The following FOXP1 variants were observed in gnomAD, a reference collection of about 807,000 sequenced individuals.
FOXP1 encodes the protein forkhead box protein P1.
Under a neutral mutation model 98.2 loss-of-function variants are expected in FOXP1, and 15 were observed. That is an observed-to-expected ratio of 0.15 (90% CI 0.10 to 0.24). The LOEUF (loss-of-function observed/expected upper bound fraction) is 0.24. Ranked by LOEUF, FOXP1 falls within the 10% of genes least tolerant of loss-of-function variation. The pLI, the probability that FOXP1 is intolerant of heterozygous loss-of-function variation, is 1.00. For synonymous variants in FOXP1, 371 were observed against 314.5 expected (o/e 1.18, Z -1.90); for missense variants, 633 against 848.5 (o/e 0.75, Z 3.15).
chr3:70,973,229 G>A lies in FOXP1; in HGVS notation c.1531-553C>T, dbSNP rs1320116997. ...GTCAAAGGATCGGGGGGTGGTGAACGGACCCCCCGCCCCCGCCCCGCCCCG... is the reference window on the plus strand; with the variant it reads ...GTCAAAGGATCGGGGGGTGGTGAACAGACCCCCCGCCCCCGCCCCGCCCCG... On this transcript the variant is annotated intron_variant, in intron 17 of 20. Coordinates refer to ENST00000649528, the MANE Select transcript of FOXP1 (RefSeq NM_001349338.3). Among the ~76,000 whole-genome samples, 11 of 144,212 alleles carry A rather than the reference G, an allele frequency of 7.6e-5. 1 individual carries two copies. The highest frequency in any genetic ancestry group is 6.9e-4 in the South Asian group (3 of 4,326). The allele number at this position is 144,212 out of a possible 152,430, so 94.6% of individuals were successfully genotyped here.
chr3:71,563,537 T>C (rs1178487794), intron 2 of FOXP1, among the ~76,000 whole-genome samples: 1 of 152,194 alleles, frequency 6.6e-6, no homozygotes, highest in African/African-American at 2.4e-5. Flanking sequence ...TATTTAGATA[T>C]AACCACCGGG....
intron 7 of FOXP1, among the ~76,000 whole-genome samples, chr3:71,111,800 C>A (rs2057953009): frequency 6.6e-6 from 1 of 152,114 alleles, no homozygotes; most frequent in African/African-American, 2.4e-5. Flanking sequence ...ATTTTTGTAT[C>A]TTTACATAAA....
intron 13 of FOXP1, among the ~76,000 whole-genome samples, chr3:70,998,201 A>G (rs80218659): frequency 0.038 from 5,852 of 152,266 alleles, 191 homozygotes; most frequent in Non-Finnish European, 0.055. Flanking sequence ...TTTGCAGGCC[A>G]TGTAGATTTC....
intron 11 of FOXP1, 127 bp from the exon 12 acceptor site, chr3:71,015,780 C>A: frequency 1.5e-6 from 1 of 649,522 alleles, no homozygotes; most frequent in East Asian, 2.8e-5. Context: ...TGTGATTTCC[C>A]CCATCCCATG....
intron 6 of FOXP1, among the ~76,000 whole-genome samples, chr3:71,178,905 A>G (rs915258663): frequency 6.9e-6 from 1 of 145,156 alleles, no homozygotes; most frequent in African/African-American, 2.5e-5. Context: ...ACAAACAAAC[A>G]AAAAAAAAAC....
At chr3:71,439,758 A>C (rs1467133615) in intron 3 of FOXP1, among the ~76,000 whole-genome samples, 1 of 152,180 alleles carries the variant, frequency 6.6e-6, no homozygotes, top group Non-Finnish European at 1.5e-5. Context: ...AGCCTGGCCA[A>C]CAAGGCAAAA....
At chr3:71,398,649 C>T (rs909520887) in intron 3 of FOXP1, among the ~76,000 whole-genome samples, 2 of 152,140 alleles carry the variant, frequency 1.3e-5, no homozygotes, top group Non-Finnish European at 2.9e-5. Flanking sequence ...CTCAATTGTG[C>T]CTTCTGTAGA....
chr3:71,411,792 C>G (rs1459443773), intron 3 of FOXP1, among the ~76,000 whole-genome samples: 3 of 152,210 alleles, frequency 2.0e-5, no homozygotes, highest in African/African-American at 7.2e-5. Context: ...CCAATATTGC[C>G]TCTGTCACTT....
chr3:71,093,139 A>G (rs966769612), intron 7 of FOXP1, among the ~76,000 whole-genome samples: 2 of 151,936 alleles, frequency 1.3e-5, no homozygotes, highest in African/African-American at 2.4e-5. Flanking sequence ...CACACGCCTC[A>G]GCTACTTGGG....
At chr3:71,513,479 G>A (rs547003938) in intron 2 of FOXP1, among the ~76,000 whole-genome samples, 13 of 152,016 alleles carry the variant, frequency 8.6e-5, no homozygotes, top group African/African-American at 1.9e-4. Flanking sequence ...TCATCTCCCC[G>A]CCAAGCTTCC....
intron 12 of FOXP1, among the ~76,000 whole-genome samples, chr3:71,012,545 C>T (rs1328438348): frequency 6.6e-6 from 1 of 152,170 alleles, no homozygotes; most frequent in Non-Finnish European, 1.5e-5. Flanking sequence ...ATAATGCTCT[C>T]AGAGTATAAT....
At chr3:71,506,715 G>T (rs1389537986) in intron 2 of FOXP1, among the ~76,000 whole-genome samples, 1 of 152,132 alleles carries the variant, frequency 6.6e-6, no homozygotes, top group East Asian at 1.9e-4. Context: ...GTTTGCCCTT[G>T]ACTTAGGCTC....
At chr3:71,537,924 CATAA>C (rs1419084359) in intron 2 of FOXP1, among the ~76,000 whole-genome samples, 1 of 152,140 alleles carries the variant, frequency 6.6e-6, no homozygotes, top group African/African-American at 2.4e-5. Flanking sequence ...TTTCGGTATT[CATAA>C]ATAAAGTTTT....
In FOXP1 at chr3:71,124,646, AAAAAAAAAG is replaced by A. The variant is rs1420423484; in HGVS notation, c.181-12018_181-12010del. 8.5e-5 allele frequency among the ~76,000 whole-genome samples: 11 copies of A among 129,866 alleles called. No homozygotes were observed. The East Asian group carries it at 4.3e-3, about 51-fold the overall frequency. 85.2% of individuals were successfully genotyped at this position (129,866 alleles called of 152,430 possible). On this transcript the variant is annotated intron_variant, in intron 6 of 20. Transcript: ENST00000649528. ...TTGTAGATCATAAACTGTGTGTCAA[AAAAAAAAAG>A]AAAAAAAAAAGAGAAACATAAGACC...
chr3:71,014,765 G>C (rs1576166702), intron 12 of FOXP1, among the ~76,000 whole-genome samples: 1 of 152,244 alleles, frequency 6.6e-6, no homozygotes, highest in African/African-American at 2.4e-5. Flanking sequence ...TGATAGACTG[G>C]ATTACGAAAA....
At chr3:71,472,683 A>C (rs2089471049) in intron 3 of FOXP1, among the ~76,000 whole-genome samples, 1 of 152,216 alleles carries the variant, frequency 6.6e-6, no homozygotes, top group Admixed American at 6.5e-5. Flanking sequence ...TTTACTCCTA[A>C]CAAGGCATTT....
intron 5 of FOXP1, among the ~76,000 whole-genome samples, chr3:71,235,567 CT>C (rs932701656): frequency 3.9e-5 from 6 of 151,960 alleles, no homozygotes; most frequent in African/African-American, 1.5e-4. Flanking sequence ...TAGAATGTTT[CT>C]CTTTTTTTTT....
chr3:71,200,104 A>AG (rs1194833345), intron 5 of FOXP1, among the ~76,000 whole-genome samples: 33 of 151,388 alleles, frequency 2.2e-4, no homozygotes, highest in Middle Eastern at 3.4e-3. Context: ...AAAAAAAAAA[A>AG]AGAGAGAAAA....
At chr3:71,451,490 A>G (rs948487796) in intron 3 of FOXP1, among the ~76,000 whole-genome samples, 2 of 152,216 alleles carry the variant, frequency 1.3e-5, no homozygotes, top group African/African-American at 4.8e-5. Flanking sequence ...GACATCTTAA[A>G]GAATTTTCGT....
Sources: gnomAD v4.1 joint callset for allele counts (sites outside exome capture counted in the v4.1 genomes callset) on GRCh38, gnomAD v4.1.1 for gene constraint, MANE v1.5 for transcripts, NCBI Gene and HGNC (gene_info 2026-07-23, HGNC 2026-07-21) for gene names.